Variants in GRAMD1C observed in about 807,000 individuals in gnomAD.
The protein encoded by GRAMD1C is protein Aster-C.
In GRAMD1C, 89 loss-of-function variants were observed where a neutral mutation model predicts 97.8. The observed-to-expected ratio is 0.91, with a 90% CI of 0.77 to 1.09. The LOEUF is 1.09. Among genes scored for constraint, GRAMD1C ranks in the 50% least tolerant of loss-of-function variants. The probability of loss-of-function intolerance (pLI) is 0.00; values close to 1 mark genes in which losing one functional copy is unlikely to be tolerated. For synonymous variants in GRAMD1C, 256 were observed against 267.0 expected, an observed-to-expected ratio of 0.96 and a Z score of 0.40; for missense variants, 740 against 766.4, an observed-to-expected ratio of 0.97 and a Z score of 0.41.
chr3:113,838,863 C>T lies in GRAMD1C; in HGVS notation c.-47C>T. The T allele has an allele frequency of 8.2e-7, 1 of 1,217,000 alleles. No individual in the cohort carries two copies. The highest frequency in any genetic ancestry group is 1.6e-5 in the African/African-American group (1 of 63,910). 75.4% of individuals were successfully genotyped at this position (1,217,000 alleles called of 1,614,324 possible). Reference sequence around the variant, plus strand: ...CGCTGGAGGTGGGCGCGGGGCGGTGCGGTGCGGTGCGCGCGGGGCGGTGCC... The same window carrying T: ...CGCTGGAGGTGGGCGCGGGGCGGTGTGGTGCGGTGCGCGCGGGGCGGTGCC... On this transcript the variant is annotated 5_prime_UTR_variant, in exon 1 of 18. Coordinates refer to ENST00000358160, the MANE Select transcript of GRAMD1C (RefSeq NM_017577.5).
intron 2 of GRAMD1C, among the ~76,000 whole-genome samples, chr3:113,866,606 T>C (rs1934596383): frequency 6.6e-6 from 1 of 152,218 alleles, no homozygotes; most frequent in African/African-American, 2.4e-5. Context: ...GTTCTTCTGT[T>C]CCCCTTCTTT....
intron 6 of GRAMD1C, chr3:113,891,058 C>T (rs1007245512): frequency 3.4e-6 from 1 of 294,588 alleles, no homozygotes; most frequent in Non-Finnish European, 6.3e-6. Flanking sequence ...ATACCTTTTA[C>T]ATCTTTGGAT....
At chr3:113,875,685 T>A (rs1934999161) in intron 4 of GRAMD1C, 98 bp downstream of exon 4, 2 of 646,428 alleles carry the variant, frequency 3.1e-6, no homozygotes, top group Non-Finnish European at 5.6e-6. Flanking sequence ...CAAAGTAAAT[T>A]TATATATATT....
chr3:113,830,608 G>T (rs537965928), intron 1 of GRAMD1C, among the ~76,000 whole-genome samples: 1 of 152,300 alleles, frequency 6.6e-6, no homozygotes, highest in East Asian at 1.9e-4. Context: ...ACTGAAGACA[G>T]CTGTAACACA....
In GRAMD1C at chr3:113,838,842, G is replaced by C. The variant is rs893396072; in HGVS notation, c.-68G>C. The C allele has an allele frequency of 6.9e-6, 8 of 1,161,740 alleles. No individual in the cohort carries two copies. The highest frequency in any genetic ancestry group is 6.5e-6 in the Non-Finnish European group (6 of 925,508). The allele number at this position is 1,161,740 out of a possible 1,614,324, so 72.0% of individuals were successfully genotyped here. A position where few individuals can be genotyped will look rare whatever the true frequency, so the allele number is the denominator to read the frequency against. ...GAGCCTGTAACTCGCAGCGCGCGCT[G>C]GAGGTGGGCGCGGGGCGGTGCGGTG... On this transcript the variant is annotated 5_prime_UTR_variant, in exon 1 of 18. Transcript: ENST00000358160.
chr3:113,933,550 GT>G lies in GRAMD1C; in HGVS notation c.1250del (p.Val417GlufsTer6). The G allele has an allele frequency of 6.2e-7, 1 of 1,610,780 alleles. No homozygotes were observed. The highest frequency in any genetic ancestry group is 8.5e-7 in the Non-Finnish European group (1 of 1,177,024). ...KESREARFYL[V>X]DSEVLTHDVP... Reference sequence around the variant, plus strand: ...AAGTCGGGAAGCACGATTTTATTTGGTAGATTCAGAAGTACTGACACATGAT... The same window carrying G: ...AAGTCGGGAAGCACGATTTTATTTGGAGATTCAGAAGTACTGACACATGAT... On this transcript the variant is annotated frameshift_variant, in exon 12 of 18. Coordinates refer to ENST00000358160, the MANE Select transcript of GRAMD1C (RefSeq NM_017577.5). LOFTEE classifies it high-confidence loss of function.
At chr3:113,931,072 A>T (rs769625975) in intron 11 of GRAMD1C, among the ~76,000 whole-genome samples, 1 of 152,212 alleles carries the variant, frequency 6.6e-6, no homozygotes, top group African/African-American at 2.4e-5. Flanking sequence ...TTTATTTTTT[A>T]TGTATAGTAA....
intron 3 of GRAMD1C, among the ~76,000 whole-genome samples, chr3:113,871,300 C>T (rs995802596): frequency 6.6e-6 from 1 of 151,912 alleles, no homozygotes; most frequent in African/African-American, 2.4e-5. Context: ...TTATTTTTTA[C>T]TATAAGCTTA....
chr3:113,894,828 G>A (rs1219158465), intron 6 of GRAMD1C, among the ~76,000 whole-genome samples: 2 of 152,124 alleles, frequency 1.3e-5, no homozygotes, highest in Admixed American at 1.3e-4. Flanking sequence ...AAAGTAATGA[G>A]GGGAGCTTTT....
intron 17 of GRAMD1C, among the ~76,000 whole-genome samples, 167 bp downstream of exon 17, chr3:113,940,512 T>G (rs1201539983): frequency 6.6e-6 from 1 of 152,248 alleles, no homozygotes; most frequent in Non-Finnish European, 1.5e-5. Flanking sequence ...ACATTTATTA[T>G]GTAGTCACTT....
intron 11 of GRAMD1C, among the ~76,000 whole-genome samples, chr3:113,931,356 A>G (rs1937411581): frequency 6.7e-6 from 1 of 148,282 alleles, no homozygotes; most frequent in Non-Finnish European, 1.5e-5. Context: ...TCTTTCATAT[A>G]TTCAAATTTT....
chr3:113,834,481 T>C (rs939487291), upstream of GRAMD1C, among the ~76,000 whole-genome samples: 1 of 151,912 alleles, frequency 6.6e-6, no homozygotes, highest in Admixed American at 6.6e-5. Context: ...ACCCAGCCTC[T>C]ACACTTCCAT....
chr3:113,935,441 G>A (rs1196755076), intron 13 of GRAMD1C, among the ~76,000 whole-genome samples: 2 of 151,736 alleles, frequency 1.3e-5, no homozygotes, highest in Admixed American at 6.6e-5. Context: ...TGGGGAAAAC[G>A]ATACGGTGGT....
intron 2 of GRAMD1C, among the ~76,000 whole-genome samples, chr3:113,857,096 C>T (rs1418778283): frequency 1.3e-5 from 2 of 152,152 alleles, no homozygotes; most frequent in African/African-American, 4.8e-5. Context: ...GCCTTGGCAT[C>T]CCAAAAAGCT....
chr3:113,919,519 A>G, intron 10 of GRAMD1C: 1 of 544,344 alleles, frequency 1.8e-6, no homozygotes, highest in Non-Finnish European at 3.7e-6. Flanking sequence ...TACCTGGAGA[A>G]CTGACTCAGA....
intron 10 of GRAMD1C, among the ~76,000 whole-genome samples, chr3:113,917,426 C>T (rs1049360879): frequency 9.2e-5 from 14 of 151,760 alleles, no homozygotes; most frequent in African/African-American, 2.4e-4. Context: ...CAGGTTCAAG[C>T]GATTCTTGTG....
intron 7 of GRAMD1C, among the ~76,000 whole-genome samples, chr3:113,903,595 A>G (rs1482162288): frequency 6.6e-6 from 1 of 152,128 alleles, no homozygotes; most frequent in Non-Finnish European, 1.5e-5. Flanking sequence ...AGTCTTGGCC[A>G]TATGATCATT....
At chr3:113,850,893 C>T (rs1306385743) in intron 2 of GRAMD1C, among the ~76,000 whole-genome samples, 2 of 62 alleles carry the variant, frequency 0.032, no homozygotes, top group East Asian at 0.5. Context: ...ACTCCGCTTC[C>T]CCGGGTTCAC....
At chr3:113,929,234 T>C (rs986816010) in intron 10 of GRAMD1C, among the ~76,000 whole-genome samples, 13 of 152,262 alleles carry the variant, frequency 8.5e-5, no homozygotes, top group African/African-American at 3.1e-4. Flanking sequence ...CTGCCTTTTA[T>C]ATATCAAAAT....
Sources: allele counts gnomAD v4.1 joint callset (sites outside exome capture counted in the v4.1 genomes callset), GRCh38; gene constraint gnomAD v4.1.1; transcripts MANE v1.5; gene names NCBI Gene and HGNC (gene_info 2026-07-23, HGNC 2026-07-21).